Variants in WDR7 observed in about 807,000 individuals in gnomAD.
WDR7 encodes WD repeat-containing protein 7.
WDR7 carries 46 observed loss-of-function variants against 169.4 expected under a neutral mutation model. The observed-to-expected ratio is 0.27, with a 90% CI of 0.21 to 0.35. WDR7 has a LOEUF of 0.35. Among genes scored for constraint, WDR7 ranks in the 10% least tolerant of loss-of-function variants. The pLI is 1.00. For missense variants in WDR7, 1,534 were observed against 1,859.3 expected, an observed-to-expected ratio of 0.83 and a Z score of 3.22; for synonymous variants, 612 against 666.8, an observed-to-expected ratio of 0.92 and a Z score of 1.27.
At chr18:56,999,558 G>A (rs1427999217) in intron 26 of WDR7, among the ~76,000 whole-genome samples, 2 of 151,926 alleles carry the variant, frequency 1.3e-5, no homozygotes, top group African/African-American at 4.8e-5. Flanking sequence ...TATTAGTCTG[G>A]GCTATCTAAG....
chr18:56,734,392 C>CT (rs1257171130), intron 14 of WDR7, among the ~76,000 whole-genome samples: 2 of 152,090 alleles, frequency 1.3e-5, no homozygotes, highest in African/African-American at 4.8e-5. Context: ...AGCATCATTT[C>CT]TGTCTTCTAC....
chr18:56,795,591 C>T (rs1181996200), intron 19 of WDR7, among the ~76,000 whole-genome samples: 1 of 152,162 alleles, frequency 6.6e-6, no homozygotes, highest in East Asian at 1.9e-4. Flanking sequence ...CCCCACAATA[C>T]ACACACAACA....
chr18:56,788,198 C>T lies in WDR7; in HGVS notation c.3190+6542C>T, dbSNP rs149377629. Among the ~76,000 whole-genome samples the T allele has an allele frequency of 1.1e-3, 168 of 152,164 alleles. 5 individuals carry two copies. In the East Asian group the frequency reaches 0.023, roughly 21 times the overall value. On this transcript the variant is annotated intron_variant, in intron 19 of 27. Transcript: ENST00000254442. ...GCTTTTTCATCCTCTATTCACTAGC[C>T]AGAGTTATTGTTTTGGCCTATGCTG...
At chr18:56,733,242 G>T (rs1357689560) in intron 14 of WDR7, among the ~76,000 whole-genome samples, 3 of 152,146 alleles carry the variant, frequency 2.0e-5, no homozygotes, top group Non-Finnish European at 4.4e-5. Flanking sequence ...GAGGAAAAAG[G>T]CTTAGGAAGC....
At chr18:56,907,039 C>T (rs1387178256) in intron 21 of WDR7, among the ~76,000 whole-genome samples, 1 of 152,090 alleles carries the variant, frequency 6.6e-6, no homozygotes, top group Non-Finnish European at 1.5e-5. Context: ...GGTTAGAACC[C>T]TCTGGGCCGG....
chr18:56,933,107 T>A (rs2046912950), intron 22 of WDR7, among the ~76,000 whole-genome samples: 1 of 152,110 alleles, frequency 6.6e-6, no homozygotes, highest in Admixed American at 6.6e-5. Flanking sequence ...ACACTGTAAC[T>A]CTTGTCCTGC....
At chr18:57,017,394 G>T (rs990546897) in intron 26 of WDR7, among the ~76,000 whole-genome samples, 3 of 149,362 alleles carry the variant, frequency 2.0e-5, no homozygotes, top group Non-Finnish European at 4.4e-5. Flanking sequence ...GCCCTGTAGG[G>T]CACCTAGCAG....
chr18:56,966,942 G>T (rs1240880133), intron 26 of WDR7, among the ~76,000 whole-genome samples: 4 of 152,112 alleles, frequency 2.6e-5, no homozygotes, highest in Non-Finnish European at 5.9e-5. Flanking sequence ...TGAAGGTTTT[G>T]GTCAAAGGAG....
intron 25 of WDR7, among the ~76,000 whole-genome samples, chr18:56,952,126 G>A (rs1263328723): frequency 6.6e-6 from 1 of 152,186 alleles, no homozygotes; most frequent in Non-Finnish European, 1.5e-5. Context: ...AAATGAGAGT[G>A]AAAAGGGCAA....
At chr18:56,921,719 A>G (rs374752440) in intron 21 of WDR7, among the ~76,000 whole-genome samples, 1 of 152,188 alleles carries the variant, frequency 6.6e-6, no homozygotes, top group East Asian at 1.9e-4. Context: ...AGTGCAAGTG[A>G]TCAGTTCCCC....
At chr18:56,845,643 A>C (rs1044562946) in intron 20 of WDR7, among the ~76,000 whole-genome samples, 2 of 152,114 alleles carry the variant, frequency 1.3e-5, no homozygotes, top group Non-Finnish European at 2.9e-5. Context: ...AATCCTATCT[A>C]CATTCCATTG....
intron 13 of WDR7, among the ~76,000 whole-genome samples, chr18:56,720,340 T>G (rs1365070300): frequency 6.6e-6 from 1 of 151,908 alleles, no homozygotes; most frequent in Non-Finnish European, 1.5e-5. Context: ...TCCCATCCAC[T>G]CAGGTGGCTG....
rs28377894 is a variant in WDR7 at position 56,939,223 on chromosome 18, A to G, written c.3982-88A>G. 0.034 allele frequency: 32,434 copies of G among 948,958 alleles called. 5,209 individuals are homozygous for G. The African/African-American group carries it at 0.41, about 12-fold the overall frequency. The allele number at this position is 948,958 out of a possible 1,614,324, so 58.8% of individuals were successfully genotyped here. On this transcript the variant is annotated intron_variant, in intron 24 of 27. Coordinates refer to ENST00000254442, the MANE Select transcript of WDR7 (RefSeq NM_015285.3). The stretch of plus-strand genomic sequence containing the variant: ...TAAAATAAAGCTATATAGACTTTCT[A>G]TGGGCAAATGAGGCCTAAATTAATC...
intron 25 of WDR7, among the ~76,000 whole-genome samples, chr18:56,943,722 C>T (rs1343751513): frequency 3.3e-5 from 5 of 152,178 alleles, no homozygotes; most frequent in African/African-American, 1.2e-4. Flanking sequence ...GCATTGTAAA[C>T]ATGATCTTCA....
At chr18:56,673,316 T>C (rs1282809216) in intron 2 of WDR7, among the ~76,000 whole-genome samples, 1 of 152,118 alleles carries the variant, frequency 6.6e-6, no homozygotes, top group Non-Finnish European at 1.5e-5. Context: ...AAAGAGAAAA[T>C]GGAGTGGTAG....
chr18:57,033,722 A>G (rs2048454169), downstream of WDR7: 2 of 149,804 alleles, frequency 1.3e-5, no homozygotes, highest in African/African-American at 4.9e-5. Flanking sequence ...GAACCGAAGC[A>G]TTCTAACAGC....
At chr18:56,801,661 C>T (rs2044675194) in intron 19 of WDR7, among the ~76,000 whole-genome samples, 1 of 152,132 alleles carries the variant, frequency 6.6e-6, no homozygotes, top group Non-Finnish European at 1.5e-5. Context: ...TCCATCCTTA[C>T]AGTTTTTCCT....
chr18:56,953,385 G>A (rs2047209164), intron 25 of WDR7, among the ~76,000 whole-genome samples: 1 of 151,982 alleles, frequency 6.6e-6, no homozygotes, highest in South Asian at 2.1e-4. Context: ...CATATAAATG[G>A]CTAATCTTAG....
intron 3 of WDR7, among the ~76,000 whole-genome samples, chr18:56,679,676 T>G (rs2025316081): frequency 6.6e-6 from 1 of 152,214 alleles, no homozygotes; most frequent in Non-Finnish European, 1.5e-5. Context: ...GGCTTGCTTT[T>G]AAGGAACTCA....
Sources: gnomAD v4.1 joint callset for allele counts (sites outside exome capture counted in the v4.1 genomes callset) on GRCh38, gnomAD v4.1.1 for gene constraint, MANE v1.5 for transcripts, NCBI Gene and HGNC (gene_info 2026-07-23, HGNC 2026-07-21) for gene names.